The following SPECC1 variants were observed in gnomAD, a reference collection of about 807,000 sequenced individuals.
SPECC1 encodes the protein cytospin-B.
Under a neutral mutation model 104.1 loss-of-function variants are expected in SPECC1, and 62 were observed. The ratio of observed to expected loss-of-function variants is 0.60; its 90% CI spans 0.49 to 0.74. SPECC1 has a LOEUF of 0.74. Ranked by LOEUF, SPECC1 falls within the 30% of genes least tolerant of loss-of-function variation. The pLI, the probability that SPECC1 is intolerant of heterozygous loss-of-function variation, is 0.00. For synonymous variants in SPECC1, 513 were observed against 501.6 expected, an observed-to-expected ratio of 1.02 and a Z score of -0.30; for missense variants, 1,306 against 1,310.5, an observed-to-expected ratio of 1.00 and a Z score of 0.05.
chr17:20,053,298 A>C (rs1597620538), intron 1 of SPECC1, among the ~76,000 whole-genome samples: 1 of 152,150 alleles, frequency 6.6e-6, no homozygotes, highest in Admixed American at 6.5e-5. Context: ...ATTCTTGCTA[A>C]AGTCATGACC....
chr17:20,136,235 C>A (rs568273217), intron 3 of SPECC1, among the ~76,000 whole-genome samples: 1 of 152,138 alleles, frequency 6.6e-6, no homozygotes, highest in South Asian at 2.1e-4. Flanking sequence ...ACCATCCTGA[C>A]CAACATAGTG....
chr17:20,190,128 G>A (rs1235764697), intron 3 of SPECC1, among the ~76,000 whole-genome samples: 1 of 152,054 alleles, frequency 6.6e-6, no homozygotes, highest in East Asian at 1.9e-4. Context: ...TCATAGTCAA[G>A]GTGGGGCCCC....
chr17:20,298,948 A>AGTGTGTGTGTGTGTGT (rs1555535565), intron 13 of SPECC1, among the ~76,000 whole-genome samples: 29 of 49,068 alleles, frequency 5.9e-4, no homozygotes, highest in African/African-American at 2.4e-3. Context: ...AGAGAGAGAG[A>AGTGTGTGTGTGTGTGT]GTGTGTGTGT....
intron 1 of SPECC1, among the ~76,000 whole-genome samples, chr17:20,077,687 G>A (rs760763521): frequency 6.6e-6 from 1 of 152,000 alleles, no homozygotes; most frequent in South Asian, 2.1e-4. Context: ...GGCTGGTCTC[G>A]GACTCCTGAC....
At chr17:20,184,716 A>C (rs1213302429) in intron 3 of SPECC1, among the ~76,000 whole-genome samples, 1 of 152,222 alleles carries the variant, frequency 6.6e-6, no homozygotes, top group Non-Finnish European at 1.5e-5. Context: ...GTTCTACATG[A>C]GAGTTCTATA....
At chr17:20,305,256 G>A (rs1382812216) in intron 13 of SPECC1, among the ~76,000 whole-genome samples, 1 of 152,138 alleles carries the variant, frequency 6.6e-6, no homozygotes, top group Non-Finnish European at 1.5e-5. Flanking sequence ...TCTCAGCTGT[G>A]ACAATGTACA....
chr17:20,309,884 C>T (rs1229145806), intron 14 of SPECC1, among the ~76,000 whole-genome samples: 2 of 134,016 alleles, frequency 1.5e-5, no homozygotes, highest in Non-Finnish European at 3.1e-5. Context: ...ATGGTGCAAT[C>T]TTGGCTCACT....
At chr17:20,301,996 T>C (rs976774729) in intron 13 of SPECC1, among the ~76,000 whole-genome samples, 1 of 152,254 alleles carries the variant, frequency 6.6e-6, no homozygotes, top group Non-Finnish European at 1.5e-5. Context: ...GGTGAATCAC[T>C]GTGCCCAGCC....
At position 20,022,456 on chromosome 17, in the gene SPECC1, G is replaced by A. The variant is rs187094747; in HGVS notation, c.-22+13032G>A. The stretch of plus-strand genomic sequence containing the variant: ...CATAGTTTCTCCTAATATGTTATAC[G>A]TCAGCTTTTTGGTTGGTATCTGTGT... On this transcript the variant is annotated intron_variant, in intron 1 of 14. Coordinates refer to ENST00000395527, the MANE Select transcript of SPECC1 (RefSeq NM_001243439.2). Among the ~76,000 whole-genome samples, 192 of 151,936 alleles carry A rather than the reference G, an allele frequency of 1.3e-3. 1 individual carries two copies. The highest frequency in any genetic ancestry group is 2.3e-3 in the Non-Finnish European group (156 of 67,872).
intron 12 of SPECC1, among the ~76,000 whole-genome samples, chr17:20,291,760 G>A (rs1353533300): frequency 2.6e-5 from 4 of 151,972 alleles, no homozygotes; most frequent in African/African-American, 7.3e-5. Flanking sequence ...GGCCTGTCCG[G>A]TCTCAAACCC....
At chr17:20,173,962 TG>T (rs1467460836) in intron 3 of SPECC1, among the ~76,000 whole-genome samples, 9 of 152,006 alleles carry the variant, frequency 5.9e-5, no homozygotes, top group Non-Finnish European at 2.9e-5. Flanking sequence ...GACGGAGTTT[TG>T]CTTTTGTTGC....
At chr17:20,206,841 T>G (rs2036816582) in intron 4 of SPECC1, among the ~76,000 whole-genome samples, 2 of 152,234 alleles carry the variant, frequency 1.3e-5, no homozygotes, top group Admixed American at 6.5e-5. Context: ...TGAGCTTTCC[T>G]GAGCCTTTGC....
intron 1 of SPECC1, among the ~76,000 whole-genome samples, chr17:20,022,264 ATCTG>A (rs1203687197): frequency 1.3e-5 from 2 of 152,158 alleles, no homozygotes; most frequent in African/African-American, 2.4e-5. Flanking sequence ...TTTTATTTGC[ATCTG>A]TCTGTTTACT....
intron 3 of SPECC1, among the ~76,000 whole-genome samples, chr17:20,122,240 G>A (rs2049070921): frequency 6.6e-6 from 1 of 152,288 alleles, no homozygotes; most frequent in African/African-American, 2.4e-5. Flanking sequence ...GACTCCACTG[G>A]GGAACTTTTG....
intron 1 of SPECC1, among the ~76,000 whole-genome samples, chr17:20,023,931 A>G (rs1425920327): frequency 2.0e-5 from 3 of 152,348 alleles, no homozygotes; most frequent in East Asian, 3.9e-4. Context: ...AGAACAGTAT[A>G]AGCCCGTAGA....
chr17:20,023,889 T>G (rs1326166153), intron 1 of SPECC1, among the ~76,000 whole-genome samples: 2 of 151,116 alleles, frequency 1.3e-5, no homozygotes, highest in East Asian at 3.9e-4. Context: ...ATATGGATAC[T>G]GGGGGTTGGA....
chr17:20,170,734 T>C (rs953347334), intron 3 of SPECC1, among the ~76,000 whole-genome samples: 1 of 152,042 alleles, frequency 6.6e-6, no homozygotes, highest in African/African-American at 2.4e-5. Context: ...TTTTCTTTTA[T>C]GCTCCCCTCA....
intron 1 of SPECC1, among the ~76,000 whole-genome samples, chr17:20,080,740 C>T (rs1278805582): frequency 3.9e-5 from 6 of 152,196 alleles, no homozygotes; most frequent in Admixed American, 6.5e-5. Flanking sequence ...GTGCTGCCTG[C>T]GAGCCCTTAC....
At chr17:20,031,102 C>A (rs951195723) in intron 1 of SPECC1, among the ~76,000 whole-genome samples, 1 of 152,130 alleles carries the variant, frequency 6.6e-6, no homozygotes, top group South Asian at 2.1e-4. Context: ...TCAAGCAATT[C>A]TCGTGTCTCA....
Sources: gnomAD v4.1 joint callset for allele counts (sites outside exome capture counted in the v4.1 genomes callset) on GRCh38, gnomAD v4.1.1 for gene constraint, MANE v1.5 for transcripts, NCBI Gene and HGNC (gene_info 2026-07-23, HGNC 2026-07-21) for gene names.